CLDN14: variants seen among roughly 807,000 people sequenced by gnomAD.
CLDN14 encodes claudin-14.
In CLDN14, 2 loss-of-function variants were observed where a neutral mutation model predicts 2.1. That is an observed-to-expected ratio of 0.96 (90% CI 0.39 to 3.01). The LOEUF (loss-of-function observed/expected upper bound fraction) is 3.01, where lower values mean the gene tolerates loss of function less well. Ranked by LOEUF, CLDN14 falls within the 30% of genes most tolerant of loss-of-function variation. CLDN14 has a pLI of 0.09. For missense variants in CLDN14, 298 were observed against 328.0 expected (o/e 0.91, Z 0.71); for synonymous variants, 136 against 154.4 (o/e 0.88, Z 0.88).
At chr21:36,515,828 C>T (rs1249734377) in intron 1 of CLDN14, among the ~76,000 whole-genome samples, 3 of 124,012 alleles carry the variant, frequency 2.4e-5, no homozygotes, top group Non-Finnish European at 4.9e-5. Flanking sequence ...ACTCTGTCAC[C>T]CAGGCTGGAG....
chr21:36,545,132 ACT>A (rs2087518153), intron 1 of CLDN14, among the ~76,000 whole-genome samples: 1 of 151,598 alleles, frequency 6.6e-6, no homozygotes, highest in South Asian at 2.1e-4. Flanking sequence ...CCTTTCTGTG[ACT>A]CTCTCTTTTT....
chr21:36,518,109 C>T (rs1977926), intron 1 of CLDN14, among the ~76,000 whole-genome samples: 7,503 of 147,880 alleles, frequency 0.051, 517 homozygotes, highest in African/African-American at 0.15. Context: ...CACACACACA[C>T]GACCTGTTGG....
intron 1 of CLDN14, among the ~76,000 whole-genome samples, chr21:36,511,219 G>C (rs1361335486): frequency 6.6e-6 from 1 of 152,210 alleles, no homozygotes; most frequent in South Asian, 2.1e-4. Context: ...GGAAATGTTT[G>C]TGTTTTTTTC....
chr21:36,532,835 C>A (rs935264642), intron 1 of CLDN14, among the ~76,000 whole-genome samples: 1 of 152,020 alleles, frequency 6.6e-6, no homozygotes, highest in South Asian at 2.1e-4. Context: ...TCCCCCTGAC[C>A]CCCCATCCCT....
rs727502938 is a variant in CLDN14 at position 36,461,327 on chromosome 21, G to A, written c.369C>T (p.Thr123=). ...AKTTFAILGG[T]LFILAGLLCM... The stretch of plus-strand genomic sequence containing the variant: ...ACAGGAGGCCGGCCAGGATGAAGAG[G>A]GTGCCGCCGAGGATGGCAAAGGTGG... Residue 123 remains threonine (T), a synonymous_variant, in exon 2 of 2, where the codon ACC becomes ACT. Coordinates refer to ENST00000399135, the MANE Select transcript of CLDN14 (RefSeq NM_001146079.2). 3.1e-6 allele frequency: 5 copies of A among 1,613,548 alleles called. No individual in the cohort carries two copies. The highest frequency in any genetic ancestry group is 3.4e-6 in the Non-Finnish European group (4 of 1,179,978).
chr21:36,504,458 G>A (rs2087114872), intron 2 of CLDN14, among the ~76,000 whole-genome samples: 1 of 152,070 alleles, frequency 6.6e-6, no homozygotes, highest in Non-Finnish European at 1.5e-5. Flanking sequence ...GTTCCGAAAG[G>A]CAATCTGAAA....
chr21:36,570,944 C>T (rs1026263069), intron 1 of CLDN14, among the ~76,000 whole-genome samples: 26 of 152,208 alleles, frequency 1.7e-4, no homozygotes, highest in African/African-American at 4.6e-4. Flanking sequence ...CCGGTTCCAG[C>T]AATTCTCCTG....
chr21:36,549,985 C>T (rs1018251517), intron 1 of CLDN14, among the ~76,000 whole-genome samples: 11 of 152,244 alleles, frequency 7.2e-5, no homozygotes, highest in Non-Finnish European at 1.5e-4. Context: ...AGACACTGCA[C>T]CTGCACTGTC....
chr21:36,523,050 C>G (rs747938616), intron 1 of CLDN14, among the ~76,000 whole-genome samples: 1 of 152,128 alleles, frequency 6.6e-6, no homozygotes, highest in African/African-American at 2.4e-5. Flanking sequence ...GACCACCCCT[C>G]CCCACCTCCC....
At chr21:36,570,828 T>C (rs1395746125) in intron 1 of CLDN14, among the ~76,000 whole-genome samples, 3 of 152,176 alleles carry the variant, frequency 2.0e-5, no homozygotes, top group Non-Finnish European at 4.4e-5. Context: ...TGAAAACTTC[T>C]AAAAGAATAC....
At chr21:36,486,927 G>T (rs56205342) in intron 2 of CLDN14, 4 of 578,790 alleles carry the variant, frequency 6.9e-6, no homozygotes, top group African/African-American at 5.6e-5. Flanking sequence ...GCACTTCACA[G>T]TCATTAGCCA....
At chr21:36,543,791 T>G (rs1189671094) in intron 1 of CLDN14, among the ~76,000 whole-genome samples, 1 of 152,146 alleles carries the variant, frequency 6.6e-6, no homozygotes, top group Admixed American at 6.5e-5. Flanking sequence ...TCATTTCCCC[T>G]CGTTTCCAAA....
intron 2 of CLDN14, among the ~76,000 whole-genome samples, chr21:36,489,942 A>G (rs1471568110): frequency 6.6e-6 from 1 of 152,198 alleles, no homozygotes; most frequent in Non-Finnish European, 1.5e-5. Context: ...TGAGCCCTCA[A>G]CCAGGAGCCG....
chr21:36,531,089 A>G (rs2087375652), intron 1 of CLDN14, among the ~76,000 whole-genome samples: 1 of 151,834 alleles, frequency 6.6e-6, no homozygotes, highest in African/African-American at 2.4e-5. Context: ...AAAATCAGCC[A>G]TGGGTGGTGG....
In CLDN14 at chr21:36,460,954, G is replaced by A. The variant is rs769498667; in HGVS notation, c.*22C>T. 3 of 1,609,688 alleles carry A rather than the reference G, an allele frequency of 1.9e-6. No homozygotes were observed. Among genetic ancestry groups the A allele is most frequent in the Non-Finnish European group, 2.5e-6 (3 of 1,178,602 alleles). The stretch of plus-strand genomic sequence containing the variant: ...GGGGACCCAGCCCACAGCAGCCCAG[G>A]GGAGAAGCAGGCTGTGGGGACTCAC... On this transcript the variant is annotated 3_prime_UTR_variant, in exon 2 of 2. Coordinates refer to ENST00000399135, the MANE Select transcript of CLDN14 (RefSeq NM_001146079.2). The surrounding 1 kb of genome is among the most constrained non-coding windows in gnomAD (Gnocchi z 4.0).
At chr21:36,549,284 T>A (rs535254656) in intron 1 of CLDN14, among the ~76,000 whole-genome samples, 2 of 151,964 alleles carry the variant, frequency 1.3e-5, no homozygotes, top group African/African-American at 4.8e-5. Context: ...ACACTCTCTC[T>A]CTCTCTCTCT....
At chr21:36,524,793 G>A (rs2052391592) in intron 1 of CLDN14, among the ~76,000 whole-genome samples, 1 of 152,204 alleles carries the variant, frequency 6.6e-6, no homozygotes, top group South Asian at 2.1e-4. Flanking sequence ...GTCCTGCCTG[G>A]TATGCTCTGC....
intron 1 of CLDN14, chr21:36,510,610 C>T (rs1340312032): frequency 6.6e-6 from 1 of 152,284 alleles, no homozygotes; most frequent in Non-Finnish European, 1.5e-5. Flanking sequence ...GCCTGTTTCT[C>T]TTGGAGGGAC....
intron 1 of CLDN14, among the ~76,000 whole-genome samples, chr21:36,535,380 A>T (rs1026721601): frequency 6.6e-6 from 1 of 151,618 alleles, no homozygotes; most frequent in Non-Finnish European, 1.5e-5. Flanking sequence ...ACAGAGTGAG[A>T]CTCTCTCAAA....
Sources: gnomAD v4.1 joint callset for allele counts (sites outside exome capture counted in the v4.1 genomes callset) on GRCh38, gnomAD v4.1.1 for gene constraint, Gnocchi (gnomAD v3.1) non-coding constraint, MANE v1.5 for transcripts, NCBI Gene and HGNC (gene_info 2026-07-23, HGNC 2026-07-21) for gene names.